Variants in NR2F1-AS1 observed in about 807,000 individuals in gnomAD.
NR2F1-AS1 encodes the protein NR2F1 antisense RNA 1.
rs181967850 is a variant in NR2F1-AS1, at chr5:93,559,351, T to C, written n.413+4013A>G. 3.0e-4 allele frequency among the ~76,000 whole-genome samples: 45 copies of C among 152,366 alleles called. 1 individual carries two copies. The highest frequency in any genetic ancestry group is 9.6e-4 in the African/African-American group (40 of 41,592). On this transcript the variant is annotated intron_variant and non_coding_transcript_variant, in intron 2 of 5. Coordinates refer to ENST00000660523, the Ensembl canonical transcript of NR2F1-AS1. ...GAATCGAAGAGAGTTAGGGCTTTGTTCTAGATTAGGCTTTCACCTAATATT... is the reference window on the plus strand; with the variant it reads ...GAATCGAAGAGAGTTAGGGCTTTGTCCTAGATTAGGCTTTCACCTAATATT...
intron 4 of NR2F1-AS1, among the ~76,000 whole-genome samples, chr5:93,416,051 C>T (rs1748961137): frequency 6.6e-6 from 1 of 152,144 alleles, no homozygotes; most frequent in Admixed American, 6.5e-5. Flanking sequence ...GTAAGGCTGT[C>T]ATTAAGGAGA....
intron 4 of NR2F1-AS1, among the ~76,000 whole-genome samples, chr5:93,497,671 G>C (rs1750993287): frequency 6.6e-6 from 1 of 152,068 alleles, no homozygotes; most frequent in South Asian, 2.1e-4. Flanking sequence ...TATCCTCAAA[G>C]TATACTTAAT....
At chr5:93,517,082 A>C (rs1751413136) in intron 4 of NR2F1-AS1, among the ~76,000 whole-genome samples, 1 of 151,918 alleles carries the variant, frequency 6.6e-6, no homozygotes, top group African/African-American at 2.4e-5. Flanking sequence ...ATCAATTCAC[A>C]TTATTGTTTT....
At chr5:93,536,169 A>C (rs1751835579) in intron 4 of NR2F1-AS1, among the ~76,000 whole-genome samples, 1 of 152,202 alleles carries the variant, frequency 6.6e-6, no homozygotes, top group South Asian at 2.1e-4. Context: ...TGAAAAAAAC[A>C]TAGAAAACAA....
At chr5:93,419,223 G>GA (rs1395246333) in intron 4 of NR2F1-AS1, among the ~76,000 whole-genome samples, 1 of 152,006 alleles carries the variant, frequency 6.6e-6, no homozygotes, top group East Asian at 1.9e-4. Flanking sequence ...TATGTTCAGT[G>GA]AAAAAAGGAT....
chr5:93,444,471 A>G (rs1428920113), intron 4 of NR2F1-AS1, among the ~76,000 whole-genome samples: 1 of 152,238 alleles, frequency 6.6e-6, no homozygotes, highest in East Asian at 1.9e-4. Flanking sequence ...ATATAATTGT[A>G]AAGGGATCAA....
At chr5:93,426,428 C>T (rs1749196796) in intron 4 of NR2F1-AS1, among the ~76,000 whole-genome samples, 1 of 152,160 alleles carries the variant, frequency 6.6e-6, no homozygotes, top group Non-Finnish European at 1.5e-5. Context: ...TGGCACAAAG[C>T]CTGAACTTCT....
At chr5:93,535,188 T>C (rs1423831214) in intron 4 of NR2F1-AS1, among the ~76,000 whole-genome samples, 1 of 151,830 alleles carries the variant, frequency 6.6e-6, no homozygotes, top group Non-Finnish European at 1.5e-5. Flanking sequence ...GTCGTACCTT[T>C]GCTCATCTGT....
At chr5:93,450,669 G>T (rs1037501963) in intron 4 of NR2F1-AS1, among the ~76,000 whole-genome samples, 1 of 152,046 alleles carries the variant, frequency 6.6e-6, no homozygotes, top group Non-Finnish European at 1.5e-5. Flanking sequence ...AGTGGTTAGG[G>T]GTGGTAGTCA....
At chr5:93,488,902 G>A (rs1750780396) in intron 4 of NR2F1-AS1, among the ~76,000 whole-genome samples, 1 of 152,132 alleles carries the variant, frequency 6.6e-6, no homozygotes, top group Non-Finnish European at 1.5e-5. Flanking sequence ...TATACACCAT[G>A]GAATACTATG....
intron 4 of NR2F1-AS1, among the ~76,000 whole-genome samples, chr5:93,510,707 A>G (rs539674757): frequency 3.9e-4 from 59 of 152,186 alleles, no homozygotes; most frequent in Non-Finnish European, 7.1e-4. Context: ...AATCTAAAAC[A>G]TATATTAGCC....
At chr5:93,415,545 A>G (rs1351585519) in intron 4 of NR2F1-AS1, among the ~76,000 whole-genome samples, 1 of 152,234 alleles carries the variant, frequency 6.6e-6, no homozygotes, top group Non-Finnish European at 1.5e-5. Context: ...TGGTTTGACA[A>G]AAGATATTAT....
chr5:93,573,729 G>T (rs1352685274), intron 1 of NR2F1-AS1, among the ~76,000 whole-genome samples: 8 of 152,174 alleles, frequency 5.3e-5, no homozygotes, highest in Non-Finnish European at 1.0e-4. Flanking sequence ...CGCACGGGAC[G>T]CTGTCTCTCC....
chr5:93,493,835 GA>G (rs769419812), intron 4 of NR2F1-AS1, among the ~76,000 whole-genome samples: 3 of 149,410 alleles, frequency 2.0e-5, no homozygotes, highest in African/African-American at 4.9e-5. Flanking sequence ...CTTATTAAAA[GA>G]AAAAAAAACC....
At chr5:93,496,817 T>G (rs1750969758) in intron 4 of NR2F1-AS1, among the ~76,000 whole-genome samples, 2 of 152,324 alleles carry the variant, frequency 1.3e-5, no homozygotes, top group Admixed American at 6.5e-5. Flanking sequence ...GGAGTCAGCA[T>G]TCTTGGATGT....
chr5:93,444,533 C>T (rs1749649965), intron 4 of NR2F1-AS1, among the ~76,000 whole-genome samples: 1 of 152,132 alleles, frequency 6.6e-6, no homozygotes, highest in Non-Finnish European at 1.5e-5. Flanking sequence ...AACAGAGGAG[C>T]ACCCAGATTC....
At chr5:93,569,853 T>C (rs1157487841) in intron 1 of NR2F1-AS1, 1 of 152,234 alleles carries the variant, frequency 6.6e-6, no homozygotes, top group African/African-American at 2.4e-5. Flanking sequence ...TTTAATTAGA[T>C]GCTTTCTGTT....
At chr5:93,526,078 T>A (rs892137624) in intron 4 of NR2F1-AS1, among the ~76,000 whole-genome samples, 11 of 152,012 alleles carry the variant, frequency 7.2e-5, no homozygotes, top group Non-Finnish European at 1.3e-4. Flanking sequence ...CTGGATTTCT[T>A]AAATGATTAA....
At chr5:93,538,410 G>C (rs1751882384) in intron 4 of NR2F1-AS1, among the ~76,000 whole-genome samples, 1 of 152,162 alleles carries the variant, frequency 6.6e-6, no homozygotes, top group African/African-American at 2.4e-5. Context: ...AGGAAGTTGA[G>C]GCTGCAGTGA....
Sources: allele counts gnomAD v4.1 joint callset (sites outside exome capture counted in the v4.1 genomes callset), GRCh38; gene constraint gnomAD v4.1.1; transcripts MANE v1.5; gene names NCBI Gene and HGNC (gene_info 2026-07-23, HGNC 2026-07-21).